The following THG1L variants were observed in gnomAD, a reference collection of about 807,000 sequenced individuals.
THG1L encodes probable tRNA(His) guanylyltransferase.
THG1L carries 27 observed loss-of-function variants against 35.2 expected under a neutral mutation model. The observed-to-expected ratio is 0.77, with a 90% CI of 0.57 to 1.06. The LOEUF is 1.06. THG1L is among the 50% of genes least tolerant of loss of function. The pLI is 0.00. For synonymous variants in THG1L, 135 were observed against 132.4 expected, an observed-to-expected ratio of 1.02 and a Z score of -0.14; for missense variants, 377 against 371.8, an observed-to-expected ratio of 1.01 and a Z score of -0.12.
chr5:157,738,203 AGAATTTTAGAATTAGT>A (rs1225453430), intron 5 of THG1L, among the ~76,000 whole-genome samples: 1 of 152,216 alleles, frequency 6.6e-6, no homozygotes, highest in Non-Finnish European at 1.5e-5. Flanking sequence ...GCAGAATTAC[AGAATTTTAGAATTAGT>A]GCCTTTATTT....
Position 157,731,538 on chromosome 5 carries a change from G to C in THG1L, c.98G>C (p.Ser33Thr). 1 of 1,612,910 alleles carries C rather than the reference G, an allele frequency of 6.2e-7. No homozygotes were observed. Among genetic ancestry groups the C allele is most frequent in the Non-Finnish European group, 8.5e-7 (1 of 1,179,444 alleles). Residue 33 changes from serine (S) to threonine (T), a missense_variant, in exon 1 of 6, where the codon AGC becomes ACC. Transcript: ENST00000231198. ...YLRLGATMAKSKFEYVRDFEA... is the reference protein window; with the variant it reads ...YLRLGATMAKTKFEYVRDFEA... ...AGATTGGGGGCGACCATGGCAAAAAGCAAGTTCGAGTACGTGAGGGACTTC... is the reference window on the plus strand; with the variant it reads ...AGATTGGGGGCGACCATGGCAAAAACCAAGTTCGAGTACGTGAGGGACTTC...
At chr5:157,738,687 C>A in intron 5 of THG1L, 2 of 424,434 alleles carry the variant, frequency 4.7e-6, no homozygotes, top group Non-Finnish European at 4.6e-6. Context: ...TTGTTCAAAA[C>A]ATTTATTCTT....
Position 157,740,620 on chromosome 5 carries a change from G to A in THG1L, c.*1138G>A, listed in dbSNP as rs1352117419. On this transcript the variant is annotated 3_prime_UTR_variant, in exon 6 of 6. Transcript: ENST00000231198. The stretch of plus-strand genomic sequence containing the variant: ...TATTTGGCCCCATTAAGAATTAAGA[G>A]GCTGGGTGCGGTGGCTCACGTCTGT... The A allele has an allele frequency of 6.6e-6, 1 of 152,272 alleles. No homozygotes were observed. Among genetic ancestry groups the A allele is most frequent in the African/African-American group, 2.4e-5 (1 of 41,446 alleles). The allele number at this position is 152,272 out of a possible 1,614,324, so 9.4% of individuals were successfully genotyped here.
chr5:157,734,109 C>T (rs187434218), intron 2 of THG1L, among the ~76,000 whole-genome samples: 177 of 152,094 alleles, frequency 1.2e-3, no homozygotes, highest in African/African-American at 4.0e-3. Flanking sequence ...CATAACTGGC[C>T]AGGTGTGATG....
chr5:157,734,573 A>G lies in THG1L; in HGVS notation c.369-3A>G, dbSNP rs746812906. 1.9e-6 allele frequency: 3 copies of G among 1,613,886 alleles called. No individual in the cohort carries two copies. The South Asian group carries it at 3.3e-5, about 18-fold the overall frequency. On this transcript the variant is annotated splice_polypyrimidine_tract_variant and splice_region_variant and intron_variant, in intron 2 of 5. Transcript: ENST00000231198. ...TCCACCCAATGTGCGTTACATTTTC[A>G]AGTAAGTTCATGACTCACGTGGCCT...
At chr5:157,732,234 AAAAAAAAAAAGAG>A (rs1408912885) in intron 1 of THG1L, among the ~76,000 whole-genome samples, 2 of 118,068 alleles carry the variant, frequency 1.7e-5, no homozygotes, top group African/African-American at 3.5e-5. Context: ...AAAAAAAAAA[AAAAAAAAAAAGAG>A]AGAGAGAGAG....
intron 4 of THG1L, among the ~76,000 whole-genome samples, chr5:157,736,457 C>T (rs1760891608): frequency 6.6e-6 from 1 of 152,128 alleles, no homozygotes; most frequent in Admixed American, 6.5e-5. Context: ...ACCCCGTTGG[C>T]CAGGCTGGTC....
In THG1L at chr5:157,731,722, C is replaced by CACGGTTA. The variant is rs1159086971; in HGVS notation, c.191+92_191+98dup. 3 of 1,469,826 alleles carry CACGGTTA rather than the reference C, an allele frequency of 2.0e-6. No individual in the cohort carries two copies. In the African/African-American group the frequency reaches 4.2e-5, roughly 21 times the overall value. The allele number at this position is 1,469,826 out of a possible 1,614,324, so 91.0% of individuals were successfully genotyped here. ...TGCAAGTCCTCCCGCCCGCTCCAGT[C>CACGGTTA]ACGGTTACCAGGGTAACGCGGTAGC... On this transcript the variant is annotated intron_variant, in intron 1 of 5. Transcript: ENST00000231198.
intron 2 of THG1L, 64 bp from the exon 3 acceptor site, chr5:157,734,512 T>C (rs2113035885): frequency 6.3e-7 from 1 of 1,584,804 alleles, no homozygotes. Flanking sequence ...CTTATCATGG[T>C]GTTGAACTAA....
chr5:157,737,818 G>A (rs953453590), intron 4 of THG1L, 69 bp from the exon 5 acceptor site: 18 of 1,236,414 alleles, frequency 1.5e-5, no homozygotes, highest in African/African-American at 6.2e-5. Flanking sequence ...GTTGTGGGTC[G>A]AATGGATAGT....
chr5:157,732,736 G>T (rs1760761727), intron 1 of THG1L, 132 bp from the exon 2 acceptor site: 1 of 1,040,748 alleles, frequency 9.6e-7, no homozygotes. Context: ...ATCAGGTTGT[G>T]GCTAGTTGAG....
chr5:157,740,487 T>C lies in THG1L; in HGVS notation c.*1005T>C, dbSNP rs187349606. 2 of 152,468 alleles carry C rather than the reference T, an allele frequency of 1.3e-5. No homozygotes were observed. Among genetic ancestry groups the C allele is most frequent in the Non-Finnish European group, 2.9e-5 (2 of 68,176 alleles). 9.4% of individuals were successfully genotyped at this position (152,468 alleles called of 1,614,324 possible). A position where few individuals can be genotyped will look rare whatever the true frequency, so the allele number is the denominator to read the frequency against. On this transcript the variant is annotated 3_prime_UTR_variant, in exon 6 of 6. Coordinates refer to ENST00000231198, the MANE Select transcript of THG1L (RefSeq NM_017872.5). Reference sequence around the variant, plus strand: ...GAACAGCACAGAGCAGCAGGGATCATCACATGCAGCCAAACTTGGCCTCTG... The same window carrying C: ...GAACAGCACAGAGCAGCAGGGATCACCACATGCAGCCAAACTTGGCCTCTG...
chr5:157,736,891 G>A (rs1760903691), intron 4 of THG1L, among the ~76,000 whole-genome samples: 1 of 152,220 alleles, frequency 6.6e-6, no homozygotes, highest in African/African-American at 2.4e-5. Flanking sequence ...TTATAACAGT[G>A]CTACTTGTAG....
At position 157,734,735 on chromosome 5, in the gene THG1L, A is replaced by T. The variant is rs1206741482; in HGVS notation, c.528A>T (p.Arg176=). ...CTTTAAAGGACTACCTCAGCTGGCG[A>T]CAAGCAGATTGTGAGTGGCACCAAA... The part of the protein sequence containing the change: ...NQTLKDYLSW[R]QADCHINNLY... The change falls in exon 3 of 6, where the codon CGA becomes CGT. Residue 176 remains arginine (R), a synonymous_variant. Coordinates refer to ENST00000231198, the MANE Select transcript of THG1L (RefSeq NM_017872.5). The T allele has an allele frequency of 2.5e-6, 4 of 1,614,156 alleles. No individual in the cohort carries two copies. The highest frequency in any genetic ancestry group is 3.4e-6 in the Non-Finnish European group (4 of 1,180,028).
intron 5 of THG1L, 26 bp from the exon 6 acceptor site, chr5:157,739,295 T>C: frequency 2.5e-6 from 4 of 1,608,240 alleles, no homozygotes; most frequent in South Asian, 2.2e-5. Context: ...GACTTAACAA[T>C]GTCACTACTT....
chr5:157,731,658 C>G, intron 1 of THG1L, 27 bp downstream of exon 1: 1 of 1,574,194 alleles, frequency 6.4e-7, no homozygotes, highest in Non-Finnish European at 8.6e-7. Flanking sequence ...CGGGGCGTCG[C>G]GATGCGCCAG....
intron 3 of THG1L, among the ~76,000 whole-genome samples, 194 bp downstream of exon 3, chr5:157,734,939 ATT>A (rs372408428): frequency 5.7e-5 from 8 of 139,944 alleles, no homozygotes; most frequent in East Asian, 2.1e-4. Flanking sequence ...CCTTATCTCT[ATT>A]TTTTTTTTTT....
Position 157,739,518 on chromosome 5 carries a change from G to T in THG1L, c.*36G>T. 2 of 1,585,886 alleles carry T rather than the reference G, an allele frequency of 1.3e-6. No individual in the cohort carries two copies. The highest frequency in any genetic ancestry group is 1.7e-6 in the Non-Finnish European group (2 of 1,164,672). On this transcript the variant is annotated 3_prime_UTR_variant, in exon 6 of 6. Coordinates refer to ENST00000231198, the MANE Select transcript of THG1L (RefSeq NM_017872.5). ...CTTCAGTTCTGGTGTGCTTAACCAT[G>T]CAAGCCCTCCCACCTCCCAGGGCTC... is the stretch of plus-strand genomic sequence containing the variant.
Position 157,732,937 on chromosome 5 carries a change from G to T in THG1L, c.261G>T (p.Ala87=), listed in dbSNP as rs755539827. 6.2e-7 allele frequency: 1 copy of T among 1,614,206 alleles called. No individual in the cohort carries two copies. Among genetic ancestry groups the T allele is most frequent in the South Asian group, 1.1e-5 (1 of 91,078 alleles). ...SRALQLMTKC[A]QTVMEELEDI... The stretch of plus-strand genomic sequence containing the variant: ...CTCTCCAGCTGATGACCAAATGTGC[G>T]CAGACTGTGATGGAAGAACTAGAGG... Residue 87 remains alanine (A), a synonymous_variant, in exon 2 of 6, where the codon GCG becomes GCT. Coordinates refer to ENST00000231198, the MANE Select transcript of THG1L (RefSeq NM_017872.5).
Sources: allele counts gnomAD v4.1 joint callset (sites outside exome capture counted in the v4.1 genomes callset), GRCh38; gene constraint gnomAD v4.1.1; transcripts MANE v1.5; gene names NCBI Gene and HGNC (gene_info 2026-07-23, HGNC 2026-07-21).